The following KCNH4 variants were observed in gnomAD, a reference collection of about 807,000 sequenced individuals.
KCNH4 encodes the protein voltage-gated delayed rectifier potassium channel KCNH4.
In KCNH4, 33 loss-of-function variants were observed where a neutral mutation model predicts 90.7. The ratio of observed to expected loss-of-function variants is 0.36; its 90% CI spans 0.28 to 0.49. The LOEUF (loss-of-function observed/expected upper bound fraction) is 0.49, where lower values mean the gene tolerates loss of function less well. Ranked by LOEUF, KCNH4 falls within the 20% of genes least tolerant of loss-of-function variation. The probability of loss-of-function intolerance (pLI) is 0.98; values close to 1 mark genes in which losing one functional copy is unlikely to be tolerated. For synonymous variants in KCNH4, 551 were observed against 581.7 expected, an observed-to-expected ratio of 0.95 and a Z score of 0.76; for missense variants, 1,044 against 1,387.1, an observed-to-expected ratio of 0.75 and a Z score of 3.93.
At chr17:42,160,581 G>T (rs2079739401) in intron 15 of KCNH4, 146 bp from the exon 16 acceptor site, 3 of 796,754 alleles carry the variant, frequency 3.8e-6, no homozygotes, top group Non-Finnish European at 5.7e-6. Context: ...TTTTTGCCTA[G>T]ATGGAAAATG....
intron 9 of KCNH4, 60 bp from the exon 10 acceptor site, chr17:42,166,606 A>G: frequency 1.3e-6 from 2 of 1,558,964 alleles, no homozygotes; most frequent in Non-Finnish European, 1.7e-6. Flanking sequence ...TGAGTCTACA[A>G]ATGTGCTGAG....
At chr17:42,157,261 TG>T (rs1249350386) in intron 16 of KCNH4, 143 bp from the exon 17 acceptor site, 1 of 152,204 alleles carries the variant, frequency 6.6e-6, no homozygotes, top group African/African-American at 2.4e-5. Flanking sequence ...ACTCAACCCC[TG>T]GGCTCCACCC....
In KCNH4 at chr17:42,175,662, G is replaced by A. The variant is rs2079855723; in HGVS notation, c.904C>T (p.Leu302Phe). Reference protein sequence around the residue: ...QVISAPRSIGLHYLATWFFID... With the variant: ...QVISAPRSIGFHYLATWFFID... ...AAGAACCAGGTGGCCAGGTAGTGGA[G>A]GCCAATGGAACGAGGAGCAGAGATT... The change falls in exon 6 of 17, where the codon CTC (leucine) becomes TTC (phenylalanine). Residue 302 changes from leucine (L) to phenylalanine (F), a missense_variant. Physicochemically the swap from Leu to Phe is conservative, Grantham distance 22. Around this residue, in one of 4 missense-constraint regions of KCNH4, gnomAD observed 318 missense variants for 479.6 expected, o/e 0.66. Transcript: ENST00000264661. The A allele has an allele frequency of 2.5e-6, 4 of 1,614,068 alleles. No homozygotes were observed. The highest frequency in any genetic ancestry group is 3.4e-6 in the Non-Finnish European group (4 of 1,180,036).
chr17:42,178,521 A>G (rs368500607), intron 2 of KCNH4, 44 bp from the exon 3 acceptor site: 12 of 1,607,514 alleles, frequency 7.5e-6, no homozygotes, highest in African/African-American at 1.3e-5. Context: ...GGGCAGCCCC[A>G]TGGCATGCCT....
At chr17:42,175,456 G>A in intron 6 of KCNH4, 123 bp downstream of exon 6, 1 of 1,151,002 alleles carries the variant, frequency 8.7e-7, no homozygotes, top group Admixed American at 1.7e-5. Flanking sequence ...GCAGGTGCCT[G>A]ATAAATATCT....
At chr17:42,170,040 G>T in intron 8 of KCNH4, 67 bp downstream of exon 8, 1 of 1,470,944 alleles carries the variant, frequency 6.8e-7, no homozygotes. Context: ...CCCTCTCTGG[G>T]CCTCAGTTTC....
chr17:42,157,483 G>T (rs1012592377), intron 16 of KCNH4, among the ~76,000 whole-genome samples: 2 of 152,266 alleles, frequency 1.3e-5, no homozygotes, highest in East Asian at 1.9e-4. Flanking sequence ...CAAGAAACGT[G>T]GTGACTGCGA....
At position 42,165,581 on chromosome 17, in the gene KCNH4, G is replaced by A. The variant is rs749868044; in HGVS notation, c.1953C>T (p.Tyr651=). 4 of 1,614,226 alleles carry A rather than the reference G, an allele frequency of 2.5e-6. No homozygotes were observed. The highest frequency in any genetic ancestry group is 2.2e-5 in the East Asian group (1 of 44,884). The part of the protein sequence containing the change: ...KTSADVKALT[Y]CGLQQLSSRG... The stretch of plus-strand genomic sequence containing the variant: ...GGCTGCTCAGCTGCTGCAGGCCACA[G>A]TAGGTCAGAGCTTTCACATCAGCAC... The change falls in exon 11 of 17, where the codon TAC becomes TAT. Residue 651 remains tyrosine, a synonymous_variant. Transcript: ENST00000264661.
intron 5 of KCNH4, 142 bp from the exon 6 acceptor site, chr17:42,175,878 T>A (rs542066929): frequency 7.9e-7 from 1 of 1,261,830 alleles, no homozygotes; most frequent in Non-Finnish European, 1.1e-6. Context: ...TTAGGGAGGA[T>A]AGGTTACAAG....
At chr17:42,161,179 T>C (rs1254637787) in intron 15 of KCNH4, among the ~76,000 whole-genome samples, 1 of 151,978 alleles carries the variant, frequency 6.6e-6, no homozygotes, top group Non-Finnish European at 1.5e-5. Flanking sequence ...CCACCCACCT[T>C]AGCCTCCCAA....
chr17:42,168,740 CTTTTA>C (rs1045565753), intron 9 of KCNH4, among the ~76,000 whole-genome samples: 3 of 150,492 alleles, frequency 2.0e-5, no homozygotes, highest in Non-Finnish European at 4.4e-5. Flanking sequence ...GTTTGCCTCC[CTTTTA>C]TTTTATTTAT....
intron 15 of KCNH4, among the ~76,000 whole-genome samples, chr17:42,160,916 T>TTTTC: frequency 7.3e-6 from 1 of 136,862 alleles, no homozygotes; most frequent in Admixed American, 8.1e-5. Flanking sequence ...TCTTTTTTCT[T>TTTTC]TTTCTTTTTT....
At chr17:42,158,596 G>A (rs1158856337) in intron 16 of KCNH4, among the ~76,000 whole-genome samples, 1 of 150,772 alleles carries the variant, frequency 6.6e-6, no homozygotes, top group Non-Finnish European at 1.5e-5. Flanking sequence ...AGCACTTTGG[G>A]AGGACGAGGC....
intron 14 of KCNH4, among the ~76,000 whole-genome samples, chr17:42,162,599 G>GTT (rs377160397): frequency 2.1e-5 from 3 of 145,332 alleles, no homozygotes; most frequent in African/African-American, 7.6e-5. Context: ...AATTGTTTTT[G>GTT]TTTTTTTTTT....
In KCNH4 at chr17:42,164,265, A is replaced by G. The variant is rs1383134546; in HGVS notation, c.2086-97T>C. 5 of 1,103,536 alleles carry G rather than the reference A, an allele frequency of 4.5e-6. No individual in the cohort carries two copies. The East Asian group carries it at 1.1e-4, about 24-fold the overall frequency. 68.4% of individuals were successfully genotyped at this position (1,103,536 alleles called of 1,614,324 possible). A position where few individuals can be genotyped will look rare whatever the true frequency, so the allele number is the denominator to read the frequency against. The stretch of plus-strand genomic sequence containing the variant: ...ACCCAACAGTGTTATGGGGTTGAGA[A>G]TGTGGAGTCTTTTGTGGAGCTGAGT... On this transcript the variant is annotated intron_variant, in intron 11 of 16. Transcript: ENST00000264661.
chr17:42,163,747 G>A lies in KCNH4; in HGVS notation c.2336C>T (p.Ser779Phe). Residue 779 changes from serine to phenylalanine, a missense_variant, in exon 13 of 17, where the codon TCC (serine) becomes TTC (phenylalanine). Ser to Phe is a radical substitution (Grantham distance 155, BLOSUM62 -2). Transcript: ENST00000264661. The surrounding 1 kb of genome is among the most constrained non-coding windows in gnomAD (Gnocchi z 5.4). ...FSALVSSPSL[S>F]PSLSPALAGQ... The stretch of plus-strand genomic sequence containing the variant: ...AGCCAGGGCAGGGGACAGGGATGGG[G>A]ATAAGGAAGGAGAGGAGACAAGGGC... 6.4e-7 allele frequency: 1 copy of A among 1,559,252 alleles called. No individual in the cohort carries two copies. The highest frequency in any genetic ancestry group is 1.4e-5 in the African/African-American group (1 of 73,060).
chr17:42,157,321 T>TA (rs1405234920), intron 16 of KCNH4, among the ~76,000 whole-genome samples: 1 of 152,184 alleles, frequency 6.6e-6, no homozygotes, highest in Non-Finnish European at 1.5e-5. Context: ...TTTATTTTTT[T>TA]ATTTTTTTGA....
At position 42,165,661 on chromosome 17, in the gene KCNH4, C is replaced by T; in HGVS notation, c.1873G>A (p.Glu625Lys). 1 of 1,614,160 alleles carries T rather than the reference C, an allele frequency of 6.2e-7. No homozygotes were observed. The highest frequency in any genetic ancestry group is 8.5e-7 in the Non-Finnish European group (1 of 1,180,030). The change falls in exon 11 of 17, where the codon GAG becomes AAG. Residue 625 changes from glutamate (E) to lysine (K), a missense_variant. Transcript: ENST00000264661. ...CCCAACCCAGGCTCCTGCCCCGGCTCAGGGATATCTGCTCCAATCAGGTCC... is the reference window on the plus strand; with the variant it reads ...CCCAACCCAGGCTCCTGCCCCGGCTTAGGGATATCTGCTCCAATCAGGTCC... ...KGDLIGADIPEPGQEPGLGAD... is the reference protein window; with the variant it reads ...KGDLIGADIPKPGQEPGLGAD...
chr17:42,169,326 C>T lies in KCNH4; in HGVS notation c.1590+151G>A, dbSNP rs543700546. ...AACTCCTGACCTCAAGTGACCTGCCCGCCTCAGCCTCCCAAAGTGCTGGGA... is the reference window on the plus strand; with the variant it reads ...AACTCCTGACCTCAAGTGACCTGCCTGCCTCAGCCTCCCAAAGTGCTGGGA... On this transcript the variant is annotated intron_variant, in intron 9 of 16. Transcript: ENST00000264661. The T allele has an allele frequency of 2.4e-4, 170 of 704,486 alleles. 1 individual carries two copies. In the East Asian group the frequency reaches 4.2e-3, roughly 17 times the overall value. 43.6% of individuals were successfully genotyped at this position (704,486 alleles called of 1,614,324 possible).
Sources: gnomAD v4.1 joint callset for allele counts (sites outside exome capture counted in the v4.1 genomes callset) on GRCh38, gnomAD v4.1.1 for gene constraint, gnomAD v4.1.1 regional missense constraint, Gnocchi (gnomAD v3.1) non-coding constraint, MANE v1.5 for transcripts, NCBI Gene and HGNC (gene_info 2026-07-23, HGNC 2026-07-21) for gene names.